LIMA1: variants seen among roughly 807,000 people sequenced by gnomAD.
The protein encoded by LIMA1 is LIM domain and actin binding 1, also known as LIM domain and actin-binding protein 1.
A neutral mutation model predicts 62.6 loss-of-function variants in LIMA1; 52 were observed. The observed-to-expected ratio is 0.83, with a 90% CI of 0.67 to 1.05. LIMA1 has a LOEUF of 1.05. LIMA1 is among the 50% of genes least tolerant of loss of function. The pLI is 0.00. For missense variants in LIMA1, 780 were observed against 902.2 expected, an observed-to-expected ratio of 0.86 and a Z score of 1.74; for synonymous variants, 302 against 317.8, an observed-to-expected ratio of 0.95 and a Z score of 0.53.
At chr12:50,251,116 GAC>G (rs1185373295) in intron 1 of LIMA1, among the ~76,000 whole-genome samples, 2 of 152,060 alleles carry the variant, frequency 1.3e-5, no homozygotes, top group Non-Finnish European at 2.9e-5. Flanking sequence ...AGATGAAAAA[GAC>G]ACAGAAGCAA....
At chr12:50,219,313 C>T (rs371001658) in intron 4 of LIMA1, among the ~76,000 whole-genome samples, 7 of 151,656 alleles carry the variant, frequency 4.6e-5, no homozygotes, top group African/African-American at 9.7e-5. Context: ...GATGAAACTC[C>T]GTCTCTACTA....
intron 1 of LIMA1, among the ~76,000 whole-genome samples, chr12:50,253,223 T>C (rs1941952583): frequency 6.6e-6 from 1 of 152,192 alleles, no homozygotes; most frequent in African/African-American, 2.4e-5. Flanking sequence ...ATCCAAATGA[T>C]ATACAATAGG....
chr12:50,205,358 C>A (rs1941132336), intron 5 of LIMA1, among the ~76,000 whole-genome samples: 1 of 151,886 alleles, frequency 6.6e-6, no homozygotes, highest in Non-Finnish European at 1.5e-5. Context: ...TAGGTCTGAG[C>A]CACCATGCCT....
chr12:50,200,280 T>C (rs1469396852), intron 7 of LIMA1, among the ~76,000 whole-genome samples: 1 of 151,978 alleles, frequency 6.6e-6, no homozygotes, highest in Non-Finnish European at 1.5e-5. Flanking sequence ...CTCAGCTCAC[T>C]GCAACCTCCA....
intron 2 of LIMA1, among the ~76,000 whole-genome samples, chr12:50,240,041 CATAACATAACATAACATAAA>C (rs1334337202): frequency 5.3e-5 from 8 of 149,922 alleles, no homozygotes; most frequent in African/African-American, 2.0e-4. Flanking sequence ...CATAACATAA[CATAACATAACATAACATAAA>C]ATAAAAAATT....
At position 50,200,636 on chromosome 12, in the gene LIMA1, C is replaced by T; in HGVS notation, c.972+141G>A. 1.7e-5 allele frequency: 15 copies of T among 885,698 alleles called. No homozygotes were observed. In the South Asian group the frequency reaches 2.0e-4, roughly 12 times the overall value. 54.9% of individuals were successfully genotyped at this position (885,698 alleles called of 1,614,324 possible). On this transcript the variant is annotated intron_variant, in intron 7 of 10. Coordinates refer to ENST00000341247, the MANE Select transcript of LIMA1 (RefSeq NM_016357.5). Reference sequence around the variant, plus strand: ...TACTCAACTGAAATTATGTGACCTGCAAAAATGGCAATCTGTCCTGGCAGC... The same window carrying T: ...TACTCAACTGAAATTATGTGACCTGTAAAAATGGCAATCTGTCCTGGCAGC...
At chr12:50,245,427 A>AG (rs1356480114) in intron 2 of LIMA1, among the ~76,000 whole-genome samples, 17 of 151,288 alleles carry the variant, frequency 1.1e-4, no homozygotes, top group South Asian at 4.2e-4. Context: ...AAAAAAAAAA[A>AG]AGAGAGAGAG....
At chr12:50,268,026 A>G (rs556097802) in intron 1 of LIMA1, among the ~76,000 whole-genome samples, 32 of 152,274 alleles carry the variant, frequency 2.1e-4, no homozygotes, top group Admixed American at 2.1e-3. Flanking sequence ...AAATTATACA[A>G]GGACTTTCTG....
intron 6 of LIMA1, chr12:50,201,164 A>G (rs4459386): frequency 0.61 from 691,571 of 1,138,938 alleles, 214,601 homozygotes; most frequent in East Asian, 0.9. Flanking sequence ...AGAACACCCC[A>G]AGCATACAAC....
At chr12:50,251,552 C>A (rs1033087655) in intron 1 of LIMA1, among the ~76,000 whole-genome samples, 22 of 144,054 alleles carry the variant, frequency 1.5e-4, no homozygotes, top group African/African-American at 5.5e-4. Context: ...ACCCTGGAGG[C>A]AGAGGATGCA....
intron 2 of LIMA1, among the ~76,000 whole-genome samples, chr12:50,245,115 C>A (rs1941829587): frequency 6.6e-6 from 1 of 152,046 alleles, no homozygotes; most frequent in African/African-American, 2.4e-5. Flanking sequence ...CAGGGAAGAT[C>A]AAGAAATTAT....
chr12:50,235,973 C>T (rs570506120), intron 2 of LIMA1, among the ~76,000 whole-genome samples: 3 of 152,078 alleles, frequency 2.0e-5, no homozygotes, highest in South Asian at 2.1e-4. Context: ...GAAACCAGCC[C>T]CGCCAACCTG....
rs1270531747 is a variant in LIMA1 at position 50,193,661 on chromosome 12, TA to T, written c.1031-1101del. On this transcript the variant is annotated intron_variant, in intron 8 of 10. Transcript: ENST00000341247. The stretch of plus-strand genomic sequence containing the variant: ...GTGTGTGTGTGTGTGTATATATATA[TA>T]TATATTTTTTTTTTTTTTTTTTTTC... Among the ~76,000 whole-genome samples the T allele has an allele frequency of 5.9e-4, 58 of 98,584 alleles. 1 individual carries two copies. The highest frequency in any genetic ancestry group is 9.0e-4 in the Non-Finnish European group (45 of 50,180). The allele number at this position is 98,584 out of a possible 152,430, so 64.7% of individuals were successfully genotyped here. A position where few individuals can be genotyped will look rare whatever the true frequency, so the allele number is the denominator to read the frequency against.
At chr12:50,239,371 G>C (rs1163154636) in intron 2 of LIMA1, among the ~76,000 whole-genome samples, 4 of 152,244 alleles carry the variant, frequency 2.6e-5, no homozygotes, top group Non-Finnish European at 5.9e-5. Flanking sequence ...GGATGTGGTA[G>C]TTCATGCCTG....
intron 3 of LIMA1, among the ~76,000 whole-genome samples, chr12:50,223,804 G>C (rs930594995): frequency 6.6e-6 from 1 of 152,162 alleles, no homozygotes; most frequent in Non-Finnish European, 1.5e-5. Context: ...TTGGGAGGCC[G>C]AGGCGGGTGG....
At chr12:50,209,265 C>A (rs770954381) in intron 4 of LIMA1, among the ~76,000 whole-genome samples, 2 of 151,892 alleles carry the variant, frequency 1.3e-5, no homozygotes, top group Non-Finnish European at 2.9e-5. Context: ...GCTCTAGGAG[C>A]AGCCGCTATC....
At chr12:50,209,567 C>CAAAAAAAAAAAAA (rs1203309856) in intron 4 of LIMA1, among the ~76,000 whole-genome samples, 11 of 61,608 alleles carry the variant, frequency 1.8e-4, no homozygotes, top group Non-Finnish European at 2.6e-4. Flanking sequence ...GACTCCATCT[C>CAAAAAAAAAAAAA]AAAAAAAAAA....
rs2138727195 is a variant in LIMA1 at position 50,283,509 on chromosome 12, C to T, written c.-113G>A. The T allele has an allele frequency of 6.6e-6, 1 of 152,440 alleles. No individual in the cohort carries two copies. Among genetic ancestry groups the T allele is most frequent in the Non-Finnish European group, 1.5e-5 (1 of 68,124 alleles). 9.4% of individuals were successfully genotyped at this position (152,440 alleles called of 1,614,324 possible). On this transcript the variant is annotated 5_prime_UTR_variant, in exon 1 of 11. Coordinates refer to ENST00000341247, the MANE Select transcript of LIMA1 (RefSeq NM_016357.5). ...TAGCGCACCTGTCGCGACCAAGCTG[C>T]TAACACCTACTGCTCCTGCGGCCCC... is the stretch of plus-strand genomic sequence containing the variant.
intron 8 of LIMA1, among the ~76,000 whole-genome samples, chr12:50,193,514 T>C (rs971375011): frequency 2.2e-5 from 3 of 137,840 alleles, no homozygotes; most frequent in African/African-American, 5.3e-5. Flanking sequence ...TGTGTATATA[T>C]GATATATATA....
Sources: gnomAD v4.1 joint callset for allele counts (sites outside exome capture counted in the v4.1 genomes callset) on GRCh38, gnomAD v4.1.1 for gene constraint, MANE v1.5 for transcripts, NCBI Gene and HGNC (gene_info 2026-07-23, HGNC 2026-07-21) for gene names.